SUV39H1: variants seen among roughly 807,000 people sequenced by gnomAD.
SUV39H1 encodes SUV39H1 histone lysine methyltransferase.
For synonymous variants in SUV39H1, 141 were observed against 150.5 expected, an observed-to-expected ratio of 0.94 and a Z score of 0.46; for missense variants, 180 against 386.3, an observed-to-expected ratio of 0.47 and a Z score of 4.48.
At chrX:48,695,996 A>C (rs1022243025), upstream of SUV39H1, 34 of 966,777 alleles carry the variant, frequency 3.5e-5, no homozygotes, top group African/African-American at 5.7e-4. Context: ...TGACCAACTG[A>C]TAGTGCCCGA....
Position 48,696,775 on chromosome X carries a change from G to A in SUV39H1, c.-10G>A, listed in dbSNP as rs1557008664. On this transcript the variant is annotated 5_prime_UTR_variant, in exon 1 of 6. In the 5' UTR this introduces an upstream ATG that the reference lacks. Transcript: ENST00000376687. ...CGGCTAGGCCCGAATGTCGTTAGCC[G>A]TGGGGAAAGATGGCGGAAAATTTAA... is the stretch of plus-strand genomic sequence containing the variant. The A allele has an allele frequency of 2.6e-6, 3 of 1,141,167 alleles. No homozygotes were observed. Among genetic ancestry groups the A allele is most frequent in the African/African-American group, 3.7e-5 (2 of 53,890 alleles). The allele number at this position is 1,141,167 out of a possible 1,213,427, so 94.0% of individuals were successfully genotyped here.
At chrX:48,696,397 G>C (rs1474352019), upstream of SUV39H1, among the ~76,000 whole-genome samples, 1 of 112,063 alleles carries the variant, frequency 8.9e-6, no homozygotes, top group African/African-American at 3.2e-5. Context: ...CCTGCTTGGG[G>C]TTAAAATGAG....
intron 3 of SUV39H1, among the ~76,000 whole-genome samples, chrX:48,704,858 C>A (rs1169722982): frequency 9.0e-6 from 1 of 111,252 alleles, no homozygotes; most frequent in Non-Finnish European, 1.9e-5. Context: ...GTGGACCGGG[C>A]CTGGTCCCTG....
intron 3 of SUV39H1, among the ~76,000 whole-genome samples, chrX:48,703,118 G>C (rs868953657): frequency 3.6e-5 from 4 of 112,352 alleles, no homozygotes; most frequent in Admixed American, 9.4e-5. Context: ...AAAAGCACTT[G>C]AACAGTGTTC....
intron 1 of SUV39H1, 99 bp from the exon 2 acceptor site, chrX:48,698,803 T>G: frequency 2.0e-6 from 2 of 1,009,362 alleles, no homozygotes; most frequent in Non-Finnish European, 1.3e-6. Flanking sequence ...TGACTCTTAG[T>G]CAGTCTTTGG....
At chrX:48,696,496 TGACA>T (rs782683506), upstream of SUV39H1, 7 of 272,964 alleles carry the variant, frequency 2.6e-5, no homozygotes, top group Admixed American at 7.1e-5. Context: ...GCTAGCAGTG[TGACA>T]GACAGACCAG....
chrX:48,696,528 T>G (rs782391227), upstream of SUV39H1: 4 of 305,393 alleles, frequency 1.3e-5, no homozygotes, highest in South Asian at 1.9e-4. Context: ...GCAGGGCCTC[T>G]GGCAACTTTA....
chrX:48,700,839 G>A, intron 3 of SUV39H1, 86 bp downstream of exon 3: 1 of 1,068,478 alleles, frequency 9.4e-7, no homozygotes. Flanking sequence ...CTGTGTGTCT[G>A]AAACTCCCTG....
Position 48,706,345 on chromosome X carries a change from C to T in SUV39H1, c.909C>T (p.Tyr303=), listed in dbSNP as rs1557010128. 6.6e-6 allele frequency: 8 copies of T among 1,210,633 alleles called. No homozygotes were observed. Among genetic ancestry groups the T allele is most frequent in the East Asian group, 3.0e-5 (1 of 33,758 alleles). ...CCACCTACCTCTTTGACCTGGACTA[C>T]GTGGAGGACGTGTACACCGTGGATG... The part of the protein sequence containing the change: ...QGATYLFDLD[Y]VEDVYTVDAA... Residue 303 remains tyrosine, a synonymous_variant, in exon 4 of 6, where the codon TAC becomes TAT. Transcript: ENST00000376687.
Position 48,707,647 on chromosome X carries a change from G to A in SUV39H1, c.*77G>A, listed in dbSNP as rs782597865. ...CCTCCCCCACTGCTGCCCTCCTGTCGAGAATGACTGCCAGGGCCTCGCCTG... is the reference window on the plus strand; with the variant it reads ...CCTCCCCCACTGCTGCCCTCCTGTCAAGAATGACTGCCAGGGCCTCGCCTG... On this transcript the variant is annotated 3_prime_UTR_variant, in exon 6 of 6. Transcript: ENST00000376687. 4.5e-5 allele frequency: 51 copies of A among 1,137,103 alleles called. 1 individual carries two copies. In the East Asian group the frequency reaches 4.8e-4, roughly 11 times the overall value. The allele number at this position is 1,137,103 out of a possible 1,213,427, so 93.7% of individuals were successfully genotyped here.
In SUV39H1 at chrX:48,707,679, C is replaced by T; in HGVS notation, c.*109C>T. The T allele has an allele frequency of 1.1e-6, 1 of 950,337 alleles. No homozygotes were observed. The highest frequency in any genetic ancestry group is 1.5e-6 in the Non-Finnish European group (1 of 674,388). The allele number at this position is 950,337 out of a possible 1,213,427, so 78.3% of individuals were successfully genotyped here. ...ACTGCCAGGGCCTCGCCTGCCTCCA[C>T]CTGCCCCCACCTGCTCCTACCTGCT... is the stretch of plus-strand genomic sequence containing the variant. On this transcript the variant is annotated 3_prime_UTR_variant, in exon 6 of 6. Coordinates refer to ENST00000376687, the MANE Select transcript of SUV39H1 (RefSeq NM_003173.4).
In SUV39H1 at chrX:48,707,651, A is replaced by G; in HGVS notation, c.*81A>G. The G allele has an allele frequency of 8.8e-7, 1 of 1,137,705 alleles. No individual in the cohort carries two copies. Among genetic ancestry groups the G allele is most frequent in the Non-Finnish European group, 1.2e-6 (1 of 836,142 alleles). 93.8% of individuals were successfully genotyped at this position (1,137,705 alleles called of 1,213,427 possible). ...CCCCACTGCTGCCCTCCTGTCGAGA[A>G]TGACTGCCAGGGCCTCGCCTGCCTC... On this transcript the variant is annotated 3_prime_UTR_variant, in exon 6 of 6. Coordinates refer to ENST00000376687, the MANE Select transcript of SUV39H1 (RefSeq NM_003173.4).
chrX:48,707,335 C>A, intron 5 of SUV39H1, 102 bp from the exon 6 acceptor site: 2 of 917,309 alleles, frequency 2.2e-6, no homozygotes, highest in Non-Finnish European at 1.5e-6. Flanking sequence ...TCCAGGCCTT[C>A]TAACAAGTCC....
At chrX:48,699,311 T>C (rs1008670435) in intron 2 of SUV39H1, 5 of 298,713 alleles carry the variant, frequency 1.7e-5, no homozygotes, top group Admixed American at 5.7e-5. Context: ...ATTGAGATGC[T>C]GAACCCTGGA....
chrX:48,695,836 G>A (rs782018403), upstream of SUV39H1: 5 of 1,156,022 alleles, frequency 4.3e-6, no homozygotes, highest in Admixed American at 7.7e-5. Context: ...GGGATGAGTC[G>A]CCTGAGAAAT....
Position 48,700,697 on chromosome X carries a change from G to A in SUV39H1, c.772G>A (p.Val258Ile). The A allele has an allele frequency of 4.1e-6, 5 of 1,211,915 alleles. No individual in the cohort carries two copies. Among genetic ancestry groups the A allele is most frequent in the Admixed American group, 2.2e-5 (1 of 46,099 alleles). Reference sequence around the variant, plus strand: ...CACGGATGATGGGCGTGGCTGGGGCGTCCGCACCCTGGAGAAGATTCGCAA... The same window carrying A: ...CACGGATGATGGGCGTGGCTGGGGCATCCGCACCCTGGAGAAGATTCGCAA... The part of the protein sequence containing the change: ...FRTDDGRGWG[V>I]RTLEKIRKNS... The change falls in exon 3 of 6, where the codon GTC (valine) becomes ATC (isoleucine). Residue 258 changes from valine (V) to isoleucine (I), a missense_variant. By Grantham distance (29) the Val-to-Ile change is conservative (BLOSUM62 3). Coordinates refer to ENST00000376687, the MANE Select transcript of SUV39H1 (RefSeq NM_003173.4).
intron 1 of SUV39H1, 55 bp downstream of exon 1, chrX:48,696,858 G>A (rs1207469000): frequency 5.1e-6 from 5 of 989,864 alleles, no homozygotes; most frequent in Non-Finnish European, 6.5e-6. Flanking sequence ...GTGGGCTGGA[G>A]GGGTGGCGTT....
rs782200027 is a variant in SUV39H1, at chrX:48,706,282, G to A, written c.846G>A (p.Glu282=). 4 of 1,211,560 alleles carry A rather than the reference G, an allele frequency of 3.3e-6. No individual in the cohort carries two copies. In the Admixed American group the frequency reaches 6.5e-5, roughly 20 times the overall value. Residue 282 remains glutamate, a synonymous_variant, in exon 4 of 6, where the codon GAG becomes GAA. Transcript: ENST00000376687. ...EYVGEIITSE[E]AERRGQIYDR... The stretch of plus-strand genomic sequence containing the variant: ...TTCCCTAGATCATTACCTCAGAGGA[G>A]GCAGAGCGGCGGGGCCAGATCTACG...
chrX:48,699,896 G>C (rs1328811272), intron 2 of SUV39H1, among the ~76,000 whole-genome samples, 195 bp from the exon 3 acceptor site: 1 of 110,804 alleles, frequency 9.0e-6, no homozygotes, highest in Admixed American at 9.6e-5. Flanking sequence ...CAGACAGTAA[G>C]GGGGAGAGGA....
Sources: gnomAD v4.1 joint callset for allele counts (sites outside exome capture counted in the v4.1 genomes callset) on GRCh38, gnomAD v4.1.1 for gene constraint, MANE v1.5 for transcripts, NCBI Gene and HGNC (gene_info 2026-07-23, HGNC 2026-07-21) for gene names.